Variants in CREBRF observed in about 807,000 individuals in gnomAD.
CREBRF encodes CREB3 regulatory factor.
Under a neutral mutation model 66.1 loss-of-function variants are expected in CREBRF, and 5 were observed. That is an observed-to-expected ratio of 0.08 (90% CI 0.04 to 0.16). CREBRF has a LOEUF of 0.16. CREBRF is among the 10% of genes least tolerant of loss of function. CREBRF has a pLI of 1.00. For missense variants in CREBRF, 531 were observed against 744.9 expected (o/e 0.71, Z 3.34); for synonymous variants, 229 against 264.4 (o/e 0.87, Z 1.30).
At chr5:173,058,918 C>T (rs1354420234) in intron 1 of CREBRF, among the ~76,000 whole-genome samples, 4 of 151,134 alleles carry the variant, frequency 2.6e-5, no homozygotes, top group African/African-American at 9.7e-5. Context: ...GCCTCAGCCT[C>T]CCGAGTAGCT....
At chr5:173,122,819 A>G (rs1232784956) in intron 7 of CREBRF, among the ~76,000 whole-genome samples, 2 of 126,420 alleles carry the variant, frequency 1.6e-5, no homozygotes, top group Non-Finnish European at 3.2e-5. Flanking sequence ...TCATTGTTCA[A>G]TTCCCATCTA....
chr5:173,102,900 C>T lies in CREBRF; in HGVS notation c.1223-5724C>T, dbSNP rs917920198. Among the ~76,000 whole-genome samples the T allele has an allele frequency of 2.0e-5, 3 of 152,162 alleles. No individual in the cohort carries two copies. In the East Asian group the frequency reaches 5.8e-4, roughly 29 times the overall value. On this transcript the variant is annotated intron_variant, in intron 4 of 8. Coordinates refer to ENST00000296953, the MANE Select transcript of CREBRF (RefSeq NM_153607.3). ...TTTTGGAGCTTGGGGCCATACTTTT[C>T]TTTGACCTTTAACTCCACTCTAAAT...
In CREBRF at chr5:173,133,830, T is replaced by C. The variant is rs1167328499; in HGVS notation, c.*85T>C. On this transcript the variant is annotated 3_prime_UTR_variant, in exon 9 of 9. Coordinates refer to ENST00000296953, the MANE Select transcript of CREBRF (RefSeq NM_153607.3). ...ATTTTCATTCTGTTTTGCATGTCAG[T>C]TAGCATTATGTAAACATTTACAATT... 1 of 683,812 alleles carries C rather than the reference T, an allele frequency of 1.5e-6. No individual in the cohort carries two copies. Among genetic ancestry groups the C allele is most frequent in the Non-Finnish European group, 2.5e-6 (1 of 392,920 alleles). The allele number at this position is 683,812 out of a possible 1,614,324, so 42.4% of individuals were successfully genotyped here. A position where few individuals can be genotyped will look rare whatever the true frequency, so the allele number is the denominator to read the frequency against.
At chr5:173,091,579 A>T (rs995577830) in intron 4 of CREBRF, 178 bp downstream of exon 4, 13 of 1,390,912 alleles carry the variant, frequency 9.3e-6, no homozygotes, top group African/African-American at 2.9e-5. Flanking sequence ...TAAAATGATC[A>T]CTTTTGCTCA....
intron 1 of CREBRF, among the ~76,000 whole-genome samples, chr5:173,077,366 GTGT>G (rs1482582616): frequency 6.6e-6 from 1 of 152,094 alleles, no homozygotes; most frequent in African/African-American, 2.4e-5. Flanking sequence ...ACATTGAGAA[GTGT>G]TGTGTAACCA....
intron 7 of CREBRF, among the ~76,000 whole-genome samples, chr5:173,116,082 T>G (rs1393327111): frequency 2.6e-5 from 4 of 152,210 alleles, no homozygotes; most frequent in Non-Finnish European, 5.9e-5. Flanking sequence ...GAGGATTGTT[T>G]GAGACTAGCC....
intron 4 of CREBRF, among the ~76,000 whole-genome samples, chr5:173,097,978 CT>C (rs768222322): frequency 4.8e-4 from 72 of 148,592 alleles, no homozygotes; most frequent in Non-Finnish European, 9.0e-4. Flanking sequence ...TATTTGAGAT[CT>C]TTTTTTTTTC....
chr5:173,079,722 ATTTTAAACAAAT>A (rs1341071738), intron 1 of CREBRF, among the ~76,000 whole-genome samples: 1 of 152,158 alleles, frequency 6.6e-6, no homozygotes, highest in Admixed American at 6.6e-5. Flanking sequence ...TTGATTCTTC[ATTTTAAACAAAT>A]TTTTAGGTTG....
intron 2 of CREBRF, among the ~76,000 whole-genome samples, chr5:173,084,291 C>G (rs1483002369): frequency 6.6e-6 from 1 of 152,016 alleles, no homozygotes; most frequent in Admixed American, 6.6e-5. Flanking sequence ...ACAAACTGCA[C>G]ACTCCCCTCA....
intron 1 of CREBRF, among the ~76,000 whole-genome samples, chr5:173,072,090 T>A (rs1757614401): frequency 6.6e-6 from 1 of 151,984 alleles, no homozygotes; most frequent in Non-Finnish European, 1.5e-5. Flanking sequence ...TAATTTTTAA[T>A]AATTATTAAA....
intron 6 of CREBRF, among the ~76,000 whole-genome samples, 162 bp from the exon 7 acceptor site, chr5:173,112,144 C>T (rs1399817221): frequency 1.3e-5 from 2 of 152,074 alleles, no homozygotes; most frequent in African/African-American, 4.8e-5. Flanking sequence ...TGCCTCATGC[C>T]TATAATCCCA....
chr5:173,070,059 T>A (rs1377657918), intron 1 of CREBRF, among the ~76,000 whole-genome samples: 1 of 152,008 alleles, frequency 6.6e-6, no homozygotes, highest in Non-Finnish European at 1.5e-5. Flanking sequence ...CACGCCTAAC[T>A]AATTTTTGTC....
chr5:173,065,925 C>T (rs532905104), intron 1 of CREBRF, among the ~76,000 whole-genome samples: 14 of 152,210 alleles, frequency 9.2e-5, no homozygotes, highest in African/African-American at 3.4e-4. Context: ...CGTGACCAAC[C>T]GCACCTGGCC....
At position 173,110,602 on chromosome 5, in the gene CREBRF, A is replaced by C; in HGVS notation, c.1498A>C (p.Asn500His). ...PNPKKLLQIG[N>H]ELRKLNKVIS... ...TCCTAAAAAACTCCTCCAGATAGGC[A>C]ATGAACTTCGGAAACTGAATAAGGT... Residue 500 changes from asparagine (N) to histidine (H), a missense_variant, in exon 6 of 9, where the codon AAT becomes CAT. By Grantham distance (68) the Asn-to-His change is moderately conservative. Around this residue, in one of 5 missense-constraint regions of CREBRF, gnomAD observed 25 missense variants for 55.3 expected, o/e 0.45. Coordinates refer to ENST00000296953, the MANE Select transcript of CREBRF (RefSeq NM_153607.3). 2 of 1,614,108 alleles carry C rather than the reference A, an allele frequency of 1.2e-6. No homozygotes were observed. The highest frequency in any genetic ancestry group is 1.7e-6 in the Non-Finnish European group (2 of 1,179,950).
At chr5:173,065,697 T>G (rs1581656974) in intron 1 of CREBRF, among the ~76,000 whole-genome samples, 1 of 148,320 alleles carries the variant, frequency 6.7e-6, no homozygotes. Flanking sequence ...GACAGGATGG[T>G]GCAGTGGCAC....
At chr5:173,077,860 G>A (rs1007011806) in intron 1 of CREBRF, among the ~76,000 whole-genome samples, 1 of 152,022 alleles carries the variant, frequency 6.6e-6, no homozygotes, top group African/African-American at 2.4e-5. Flanking sequence ...TTACCATAAT[G>A]TTTTTAAGGT....
At chr5:173,118,085 AGGAT>A (rs1434718569) in intron 7 of CREBRF, among the ~76,000 whole-genome samples, 3 of 152,126 alleles carry the variant, frequency 2.0e-5, no homozygotes, top group Non-Finnish European at 4.4e-5. Flanking sequence ...CATGTTAGCC[AGGAT>A]GGTCTCGATC....
intron 1 of CREBRF, among the ~76,000 whole-genome samples, chr5:173,066,392 C>T (rs1035398355): frequency 6.6e-6 from 1 of 152,184 alleles, no homozygotes; most frequent in African/African-American, 2.4e-5. Flanking sequence ...TGTTTGATAA[C>T]AAAGTCCAAT....
chr5:173,125,709 A>G (rs1401558458), intron 8 of CREBRF, among the ~76,000 whole-genome samples: 2 of 42,140 alleles, frequency 4.7e-5, no homozygotes, highest in Non-Finnish European at 8.5e-5. Context: ...CTAAAAATAC[A>G]AAAAAAAAGC....
Sources: allele counts gnomAD v4.1 joint callset (sites outside exome capture counted in the v4.1 genomes callset), GRCh38; gene constraint gnomAD v4.1.1; regional missense constraint gnomAD v4.1.1; transcripts MANE v1.5; gene names NCBI Gene and HGNC (gene_info 2026-07-23, HGNC 2026-07-21).